The following TTC6 variants were observed in gnomAD, a reference collection of about 807,000 sequenced individuals.
The protein encoded by TTC6 is tetratricopeptide repeat protein 6.
In TTC6, 172 loss-of-function variants were observed where a neutral mutation model predicts 210.4. That is an observed-to-expected ratio of 0.82 (90% CI 0.72 to 0.93). The LOEUF is 0.93. TTC6 is among the 40% of genes least tolerant of loss of function. The probability of loss-of-function intolerance (pLI) is 0.00; values close to 1 mark genes in which losing one functional copy is unlikely to be tolerated. For missense variants in TTC6, 2,414 were observed against 2,318.1 expected (o/e 1.04, Z -0.85); for synonymous variants, 804 against 819.6 (o/e 0.98, Z 0.32).
At chr14:37,641,160 A>AT (rs1386318849) in intron 1 of TTC6, among the ~76,000 whole-genome samples, 1 of 152,220 alleles carries the variant, frequency 6.6e-6, no homozygotes, top group African/African-American at 2.4e-5. Flanking sequence ...AACCAACTAA[A>AT]TATCCCAGTT....
chr14:37,808,501 A>T (rs772203267), intron 23 of TTC6, among the ~76,000 whole-genome samples: 4 of 152,096 alleles, frequency 2.6e-5, no homozygotes, highest in Non-Finnish European at 5.9e-5. Flanking sequence ...AAAGTTGTTG[A>T]TATATTTAAT....
At chr14:37,833,605 T>C (rs1264328052) in intron 29 of TTC6, among the ~76,000 whole-genome samples, 2 of 152,214 alleles carry the variant, frequency 1.3e-5, no homozygotes, top group African/African-American at 4.8e-5. Context: ...ACATTCTGAG[T>C]TCTTTCGATA....
intron 1 of TTC6, among the ~76,000 whole-genome samples, chr14:37,636,995 A>G (rs1408951015): frequency 6.6e-6 from 1 of 152,226 alleles, no homozygotes; most frequent in Non-Finnish European, 1.5e-5. Context: ...GTGGAGCCAC[A>G]CAGATATGCC....
chr14:37,632,308 A>G (rs1183279871), intron 1 of TTC6, among the ~76,000 whole-genome samples: 1 of 152,130 alleles, frequency 6.6e-6, no homozygotes, highest in Non-Finnish European at 1.5e-5. Flanking sequence ...TTGTGTGGAC[A>G]TCCTTTTGGT....
intron 20 of TTC6, among the ~76,000 whole-genome samples, chr14:37,801,797 G>A (rs371930422): frequency 9.9e-5 from 15 of 152,254 alleles, no homozygotes; most frequent in Middle Eastern, 3.4e-3. Flanking sequence ...AAATAGGAAC[G>A]CTTTTATACA....
At chr14:37,697,187 AT>A (rs1053623127) in intron 4 of TTC6, among the ~76,000 whole-genome samples, 57 of 152,030 alleles carry the variant, frequency 3.7e-4, no homozygotes, top group Non-Finnish European at 7.4e-4. Flanking sequence ...ATATTGGTTA[AT>A]TTTTTTATGA....
intron 29 of TTC6, among the ~76,000 whole-genome samples, chr14:37,841,045 T>G (rs1282953773): frequency 6.6e-6 from 1 of 152,084 alleles, no homozygotes; most frequent in Admixed American, 6.5e-5. Context: ...ATTTTTGTAT[T>G]TTTAGTAGAG....
chr14:37,649,878 T>C, intron 1 of TTC6, among the ~76,000 whole-genome samples: 1 of 152,310 alleles, frequency 6.6e-6, no homozygotes, highest in African/African-American at 2.4e-5. Flanking sequence ...TGTTATATAT[T>C]GTCAGTTATT....
chr14:37,833,845 A>G (rs1238189686), intron 29 of TTC6, among the ~76,000 whole-genome samples: 1 of 152,024 alleles, frequency 6.6e-6, no homozygotes, highest in Non-Finnish European at 1.5e-5. Flanking sequence ...AGATGTAAAA[A>G]TCTCTTAAGC....
chr14:37,830,371 G>T (rs1240578852), intron 29 of TTC6, among the ~76,000 whole-genome samples: 1 of 151,918 alleles, frequency 6.6e-6, no homozygotes, highest in Non-Finnish European at 1.5e-5. Flanking sequence ...TCAGTACATA[G>T]ATTTCAGATA....
chr14:37,827,187 A>G lies in TTC6; in HGVS notation c.5128-9A>G, dbSNP rs1345307911. On this transcript the variant is annotated splice_polypyrimidine_tract_variant and intron_variant, in intron 28 of 30. Coordinates refer to ENST00000553443, the Ensembl canonical transcript of TTC6. ...CCCAATGTTAAATAATCATAATATT[A>G]TACTGCAGATCAGTACTACAGCAGA... 16 of 1,604,352 alleles carry G rather than the reference A, an allele frequency of 1.0e-5. No homozygotes were observed. The highest frequency in any genetic ancestry group is 1.3e-5 in the Non-Finnish European group (15 of 1,174,432).
chr14:37,814,667 G>A (rs768267595), intron 25 of TTC6, among the ~76,000 whole-genome samples: 18 of 152,094 alleles, frequency 1.2e-4, no homozygotes, highest in African/African-American at 1.7e-4. Flanking sequence ...TAGTGATATA[G>A]ATAGGTAACA....
At chr14:37,798,701 T>C (rs534181352) in intron 20 of TTC6, among the ~76,000 whole-genome samples, 7 of 152,232 alleles carry the variant, frequency 4.6e-5, no homozygotes, top group African/African-American at 1.7e-4. Flanking sequence ...AAGTTTACCC[T>C]ACTAAGAATG....
chr14:37,595,908 T>A (rs2095603336), exon 1 of TTC6: 1 of 151,574 alleles, frequency 6.6e-6, no homozygotes, highest in East Asian at 2.0e-4. Context: ...AGAAACCGGG[T>A]CATCTGAGTC....
intron 6 of TTC6, among the ~76,000 whole-genome samples, chr14:37,724,096 AAT>A (rs2095866988): frequency 6.6e-6 from 1 of 152,146 alleles, no homozygotes; most frequent in African/African-American, 2.4e-5. Flanking sequence ...AACACCTGAG[AAT>A]ATGTTAGTAA....
rs1263808344 is a variant in TTC6 at position 37,596,015 on chromosome 14, C to G, written c.-235+7C>G. ...TACCTGCGGCTAAGAGCAGGTGAGTCACAGCACCGGTTTATATCTTTATGA... is the reference window on the plus strand; with the variant it reads ...TACCTGCGGCTAAGAGCAGGTGAGTGACAGCACCGGTTTATATCTTTATGA... On this transcript the variant is annotated splice_region_variant and intron_variant, in intron 1 of 2. Transcript: ENST00000556845. The G allele has an allele frequency of 1.3e-5, 2 of 152,026 alleles. No individual in the cohort carries two copies. The highest frequency in any genetic ancestry group is 2.9e-5 in the Non-Finnish European group (2 of 68,042). 9.4% of individuals were successfully genotyped at this position (152,026 alleles called of 1,614,324 possible).
chr14:37,821,023 C>T (rs149619566), intron 26 of TTC6, among the ~76,000 whole-genome samples: 104 of 145,438 alleles, frequency 7.2e-4, no homozygotes, highest in Admixed American at 3.5e-3. Flanking sequence ...CTTCTTCTTC[C>T]TCTTCTTCTT....
rs1331883077 is a variant in TTC6, at chr14:37,687,108, A to G, written c.1257+4144A>G. On this transcript the variant is annotated intron_variant, in intron 3 of 30. Coordinates refer to ENST00000553443, the Ensembl canonical transcript of TTC6. ...CAGGAAAAATAGTCTTGCATTGCTG[A>G]CACCACCCCTCCCTGACCCGTTGGC... Among the ~76,000 whole-genome samples, 9 of 152,222 alleles carry G rather than the reference A, an allele frequency of 5.9e-5. No homozygotes were observed. The East Asian group carries it at 1.7e-3, about 30-fold the overall frequency.
At chr14:37,812,515 C>T in intron 25 of TTC6, 82 bp downstream of exon 27, 1 of 1,340,462 alleles carries the variant, frequency 7.5e-7, no homozygotes, top group South Asian at 1.8e-5. Context: ...TTATTATCAA[C>T]TGGCAATATT....
Sources: allele counts gnomAD v4.1 joint callset (sites outside exome capture counted in the v4.1 genomes callset), GRCh38; gene constraint gnomAD v4.1.1; transcripts MANE v1.5; gene names NCBI Gene and HGNC (gene_info 2026-07-23, HGNC 2026-07-21).